Variants in HMGB4 observed in about 807,000 individuals in gnomAD.
The protein encoded by HMGB4 is high mobility group protein B4.
For synonymous variants in HMGB4, 82 were observed against 84.9 expected (o/e 0.97, Z 0.19); for missense variants, 217 against 220.4 (o/e 0.98, Z 0.10).
Position 33,864,590 on chromosome 1 carries a change from A to G in HMGB4, c.399A>G (p.Thr133=). ...VAKATGKMWS[T]ATDLEKHPYE... is the part of the protein sequence containing the mutation. Reference sequence around the variant, plus strand: ...AGGCCACAGGGAAGATGTGGTCAACAGCGACAGACCTGGAGAAGCACCCTT... The same window carrying G: ...AGGCCACAGGGAAGATGTGGTCAACGGCGACAGACCTGGAGAAGCACCCTT... The change falls in exon 1 of 1, where the codon ACA becomes ACG. Residue 133 remains threonine, a synonymous_variant. Coordinates refer to ENST00000681531, the MANE Select transcript of HMGB4 (RefSeq NM_001379301.1). The G allele has an allele frequency of 6.2e-7, 1 of 1,614,076 alleles. No individual in the cohort carries two copies. The highest frequency in any genetic ancestry group is 8.5e-7 in the Non-Finnish European group (1 of 1,180,024).
chr1:33,860,798 TCA>T (rs1266935770), upstream of HMGB4: 4 of 152,324 alleles, frequency 2.6e-5, no homozygotes, highest in Admixed American at 1.3e-4. Context: ...AAAGAGGATC[TCA>T]CAGTCTCCGA....
chr1:33,861,093 T>G (rs1639462311), upstream of HMGB4: 1 of 152,206 alleles, frequency 6.6e-6, no homozygotes, highest in South Asian at 2.1e-4. Flanking sequence ...CTGAATGGAA[T>G]GAGGTACATA....
rs1431902578 is a variant in HMGB4, at chr1:33,864,219, A to G, written c.28A>G (p.Lys10Glu). The G allele has an allele frequency of 1.2e-5, 20 of 1,608,420 alleles. No individual in the cohort carries two copies. The highest frequency in any genetic ancestry group is 1.6e-5 in the Non-Finnish European group (19 of 1,178,502). Residue 10 changes from lysine (K) to glutamate (E), a missense_variant, in exon 1 of 1, where the codon AAG (lysine) becomes GAG (glutamate). Transcript: ENST00000681531. ...GGGAAAAGAAATCCAGCTAAAGCCT[A>G]AGGCAAATGTCTCTTCTTACGTTCA... Reference protein sequence around the residue: MGKEIQLKPKANVSSYVHFL... With the variant: MGKEIQLKPEANVSSYVHFL...
chr1:33,864,166 T>C lies in HMGB4; in HGVS notation c.-26T>C. 1 of 1,568,600 alleles carries C rather than the reference T, an allele frequency of 6.4e-7. No individual in the cohort carries two copies. The highest frequency in any genetic ancestry group is 8.6e-7 in the Non-Finnish European group (1 of 1,162,600). ...AGTCTCTCCTGTCCACGTTACTGAA[T>C]CCAGAAAAAAGGTGAACTTACGAAC... On this transcript the variant is annotated 5_prime_UTR_variant, in exon 1 of 1. Coordinates refer to ENST00000681531, the MANE Select transcript of HMGB4 (RefSeq NM_001379301.1).
upstream of HMGB4, among the ~76,000 whole-genome samples, chr1:33,861,626 A>G (rs1250481131): frequency 3.9e-5 from 6 of 152,364 alleles, no homozygotes; most frequent in Non-Finnish European, 1.5e-5. Flanking sequence ...CTACATGGTG[A>G]AAGGCTAAAA....
chr1:33,861,348 A>G (rs928965576), upstream of HMGB4: 3 of 152,208 alleles, frequency 2.0e-5, no homozygotes, highest in African/African-American at 7.2e-5. Flanking sequence ...GGTATTTTCT[A>G]TGGTTACTTT....
Position 33,864,365 on chromosome 1 carries a change from C to A in HMGB4, c.174C>A (p.Ala58=), listed in dbSNP as rs536153929. Residue 58 remains alanine (A), a synonymous_variant, in exon 1 of 1, where the codon GCC becomes GCA. Transcript: ENST00000681531. ...KWRSISKHEK[A]KYEALAKLDK... is the part of the protein sequence containing the mutation. ...GATCCATCTCAAAGCATGAAAAGGC[C>A]AAATATGAAGCCCTGGCCAAACTCG... 6.2e-7 allele frequency: 1 copy of A among 1,614,010 alleles called. No individual in the cohort carries two copies. The highest frequency in any genetic ancestry group is 1.3e-5 in the African/African-American group (1 of 75,010).
chr1:33,864,276 G>A lies in HMGB4; in HGVS notation c.85G>A (p.Glu29Lys). The A allele has an allele frequency of 1.2e-6, 2 of 1,613,106 alleles. No individual in the cohort carries two copies. Among genetic ancestry groups the A allele is most frequent in the Non-Finnish European group, 8.5e-7 (1 of 1,179,282 alleles). ...FLLNYRNKFKEQQPNTYVGFK... is the reference protein window; with the variant it reads ...FLLNYRNKFKKQQPNTYVGFK... ...GCTGAATTACAGAAACAAATTCAAGGAGCAGCAGCCAAATACCTATGTTGG... is the reference window on the plus strand; with the variant it reads ...GCTGAATTACAGAAACAAATTCAAGAAGCAGCAGCCAAATACCTATGTTGG... Residue 29 changes from glutamate to lysine, a missense_variant, in exon 1 of 1, where the codon GAG becomes AAG. Glu to Lys is a moderately conservative substitution (Grantham distance 56). Transcript: ENST00000681531.
At chr1:33,862,482 G>A (rs1639614165), upstream of HMGB4, 1 of 152,006 alleles carries the variant, frequency 6.6e-6, no homozygotes, top group South Asian at 2.1e-4. Flanking sequence ...GAAAGGAGCT[G>A]TGTCCCATTC....
upstream of HMGB4, chr1:33,863,460 C>T (rs1258487298): frequency 1.3e-5 from 2 of 152,282 alleles, no homozygotes; most frequent in South Asian, 2.1e-4. Flanking sequence ...AGGTTCTCCC[C>T]CCTCTTTCGC....
At chr1:33,861,452 C>T (rs1639499648), upstream of HMGB4, 1 of 152,196 alleles carries the variant, frequency 6.6e-6, no homozygotes, top group African/African-American at 2.4e-5. Flanking sequence ...GACCAATGCT[C>T]CTGCCTGGAG....
chr1:33,864,206 C>A lies in HMGB4; in HGVS notation c.15C>A (p.Ile5=). 1 of 1,595,924 alleles carries A rather than the reference C, an allele frequency of 6.3e-7. No homozygotes were observed. Residue 5 remains isoleucine, a synonymous_variant, in exon 1 of 1, where the codon ATC becomes ATA. Transcript: ENST00000681531. Reference sequence around the variant, plus strand: ...AACTTACGAACATGGGAAAAGAAATCCAGCTAAAGCCTAAGGCAAATGTCT... The same window carrying A: ...AACTTACGAACATGGGAAAAGAAATACAGCTAAAGCCTAAGGCAAATGTCT... MGKE[I]QLKPKANVSS...
At position 33,864,369 on chromosome 1, in the gene HMGB4, T is replaced by C. The variant is rs949528947; in HGVS notation, c.178T>C (p.Tyr60His). The change falls in exon 1 of 1, where the codon TAT becomes CAT. Residue 60 changes from tyrosine (Y) to histidine (H), a missense_variant. Coordinates refer to ENST00000681531, the MANE Select transcript of HMGB4 (RefSeq NM_001379301.1). ...RSISKHEKAK[Y>H]EALAKLDKAR... The stretch of plus-strand genomic sequence containing the variant: ...CATCTCAAAGCATGAAAAGGCCAAA[T>C]ATGAAGCCCTGGCCAAACTCGACAA... The C allele has an allele frequency of 2.5e-6, 4 of 1,613,838 alleles. No individual in the cohort carries two copies. Among genetic ancestry groups the C allele is most frequent in the East Asian group, 4.5e-5 (2 of 44,892 alleles).
At chr1:33,861,486 T>G (rs1247400811), upstream of HMGB4, 1 of 152,206 alleles carries the variant, frequency 6.6e-6, no homozygotes, top group South Asian at 2.1e-4. Context: ...CTAGGGAATA[T>G]TGGACACCTC....
Position 33,864,534 on chromosome 1 carries a change from A to G in HMGB4, c.343A>G (p.Asn115Asp). ...CCACTATGCTCAGCTGAAGAGGGAG[A>G]ACCCGAACTGGTCGGTGGTGCAGGT... ...QDHYAQLKRENPNWSVVQVAK... is the reference protein window; with the variant it reads ...QDHYAQLKREDPNWSVVQVAK... Residue 115 changes from asparagine to aspartate, a missense_variant, in exon 1 of 1, where the codon AAC becomes GAC. Transcript: ENST00000681531. 1 of 1,614,122 alleles carries G rather than the reference A, an allele frequency of 6.2e-7. No homozygotes were observed. The highest frequency in any genetic ancestry group is 8.5e-7 in the Non-Finnish European group (1 of 1,180,016).
chr1:33,864,344 C>A lies in HMGB4; in HGVS notation c.153C>A (p.Ser51=). The A allele has an allele frequency of 6.2e-7, 1 of 1,613,826 alleles. No homozygotes were observed. The change falls in exon 1 of 1, where the codon TCC becomes TCA. Residue 51 remains serine (S), a synonymous_variant. Transcript: ENST00000681531. ...FSRKCSEKWR[S]ISKHEKAKYE... is the part of the protein sequence containing the mutation. The stretch of plus-strand genomic sequence containing the variant: ...GAAAGTGTTCGGAAAAATGGAGATC[C>A]ATCTCAAAGCATGAAAAGGCCAAAT...
Position 33,864,630 on chromosome 1 carries a change from G to T in HMGB4, c.439G>T (p.Ala147Ser), listed in dbSNP as rs756667313. Residue 147 changes from alanine (A) to serine (S), a missense_variant, in exon 1 of 1, where the codon GCT becomes TCT. Coordinates refer to ENST00000681531, the MANE Select transcript of HMGB4 (RefSeq NM_001379301.1). ...GAAGCACCCTTATGAGCAAAGAGTG[G>T]CTCTCCTGAGAGCTAAGTACTTCGA... ...LEKHPYEQRV[A>S]LLRAKYFEEL... The T allele has an allele frequency of 1.4e-5, 23 of 1,613,822 alleles. No homozygotes were observed. The East Asian group carries it at 5.1e-4, about 36-fold the overall frequency.
Position 33,864,515 on chromosome 1 carries a change from T to C in HMGB4, c.324T>C (p.Tyr108=), listed in dbSNP as rs1639819144. The change falls in exon 1 of 1, where the codon TAT becomes TAC. Residue 108 remains tyrosine, a synonymous_variant. Coordinates refer to ENST00000681531, the MANE Select transcript of HMGB4 (RefSeq NM_001379301.1). ...SSFLLFCQDH[Y]AQLKRENPNW... ...TCCTACTCTTCTGCCAAGACCACTA[T>C]GCTCAGCTGAAGAGGGAGAACCCGA... 4.3e-6 allele frequency: 7 copies of C among 1,613,976 alleles called. No homozygotes were observed. Among genetic ancestry groups the C allele is most frequent in the African/African-American group, 1.3e-5 (1 of 74,924 alleles).
chr1:33,864,617 T>G lies in HMGB4; in HGVS notation c.426T>G (p.Tyr142Ter). Residue 142 changes from tyrosine to a stop codon, truncating the protein, a stop_gained, in exon 1 of 1, where the codon TAT becomes TAG. Transcript: ENST00000681531. LOFTEE classifies it low-confidence loss of function (END_TRUNC). ...CGACAGACCTGGAGAAGCACCCTTA[T>G]GAGCAAAGAGTGGCTCTCCTGAGAG... ...STATDLEKHPYEQRVALLRAK... is the reference protein window; with the variant it reads ...STATDLEKHP 1 of 1,614,014 alleles carries G rather than the reference T, an allele frequency of 6.2e-7. No homozygotes were observed. The highest frequency in any genetic ancestry group is 8.5e-7 in the Non-Finnish European group (1 of 1,180,022).
Sources: allele counts gnomAD v4.1 joint callset (sites outside exome capture counted in the v4.1 genomes callset), GRCh38; gene constraint gnomAD v4.1.1; transcripts MANE v1.5; gene names NCBI Gene and HGNC (gene_info 2026-07-23, HGNC 2026-07-21).